CYRIA: variants seen among roughly 807,000 people sequenced by gnomAD.
The protein encoded by CYRIA is CYFIP related Rac1 interactor A.
Under a neutral mutation model 43.9 loss-of-function variants are expected in CYRIA, and 15 were observed. The observed-to-expected ratio is 0.34, with a 90% confidence interval of 0.23 to 0.53. The LOEUF is 0.53. Among genes scored for constraint, CYRIA ranks in the 20% least tolerant of loss-of-function variants. CYRIA has a pLI of 0.94. For synonymous variants in CYRIA, 117 were observed against 136.0 expected (o/e 0.86, Z 0.97); for missense variants, 236 against 394.2 (o/e 0.60, Z 3.40).
chr2:16,615,955 C>T (rs1371977508), intron 2 of CYRIA, among the ~76,000 whole-genome samples: 2 of 152,240 alleles, frequency 1.3e-5, no homozygotes, highest in Non-Finnish European at 2.9e-5. Flanking sequence ...GGACCATCTT[C>T]ACTCCATTCT....
chr2:16,627,966 A>C (rs1669219479), intron 1 of CYRIA, among the ~76,000 whole-genome samples: 1 of 152,202 alleles, frequency 6.6e-6, no homozygotes, highest in South Asian at 2.1e-4. Flanking sequence ...GAGATGGAGC[A>C]GCTGGGCGGG....
intron 2 of CYRIA, among the ~76,000 whole-genome samples, chr2:16,600,693 C>G (rs1668175142): frequency 6.6e-6 from 1 of 152,126 alleles, no homozygotes; most frequent in Non-Finnish European, 1.5e-5. Flanking sequence ...GTTATTACTA[C>G]TATAATTTAT....
chr2:16,618,431 GAGA>G (rs1222273866), intron 2 of CYRIA, among the ~76,000 whole-genome samples: 1 of 152,190 alleles, frequency 6.6e-6, no homozygotes, highest in Non-Finnish European at 1.5e-5. Context: ...AGAGGAAGAA[GAGA>G]AGAACCCCAG....
At chr2:16,570,219 T>C (rs896069938) in intron 3 of CYRIA, among the ~76,000 whole-genome samples, 1 of 152,090 alleles carries the variant, frequency 6.6e-6, no homozygotes, top group African/African-American at 2.4e-5. Context: ...AGTGCAGTGG[T>C]ATCATCATAG....
chr2:16,560,173 TC>T (rs1305375946), intron 9 of CYRIA, among the ~76,000 whole-genome samples: 1 of 152,156 alleles, frequency 6.6e-6, no homozygotes, highest in Non-Finnish European at 1.5e-5. Flanking sequence ...GAGGCTTTTT[TC>T]CTAGAGGCTT....
rs988552907 is a variant in CYRIA, at chr2:16,575,826, C to A, written c.71-10059G>T. Among the ~76,000 whole-genome samples, 9 of 151,264 alleles carry A rather than the reference C, an allele frequency of 5.9e-5. No individual in the cohort carries two copies. The South Asian group carries it at 6.3e-4, about 11-fold the overall frequency. ...AGCCGAGATTGCGCCACTGCACTCC[C>A]ACCTGGGCCACAGAGCGAGACTCCA... is the stretch of plus-strand genomic sequence containing the variant. On this transcript the variant is annotated intron_variant, in intron 3 of 11. Transcript: ENST00000381323.
At chr2:16,641,412 C>T (rs965533534) in intron 1 of CYRIA, among the ~76,000 whole-genome samples, 1 of 152,124 alleles carries the variant, frequency 6.6e-6, no homozygotes, top group Non-Finnish European at 1.5e-5. Context: ...ATTCTTCTTT[C>T]TCCTCCATTT....
At chr2:16,625,351 G>A (rs1669128922) in intron 1 of CYRIA, among the ~76,000 whole-genome samples, 2 of 145,428 alleles carry the variant, frequency 1.4e-5, no homozygotes, top group South Asian at 4.6e-4. Context: ...CCTGTTCTCA[G>A]ACAACAAGGG....
chr2:16,558,919 C>A (rs769985947), intron 10 of CYRIA, among the ~76,000 whole-genome samples: 6 of 152,032 alleles, frequency 3.9e-5, no homozygotes, highest in Admixed American at 1.3e-4. Flanking sequence ...TGAAACATGT[C>A]TGAAAGGAAC....
At chr2:16,572,811 A>G (rs756867355) in intron 3 of CYRIA, among the ~76,000 whole-genome samples, 9 of 151,760 alleles carry the variant, frequency 5.9e-5, no homozygotes, top group African/African-American at 9.7e-5. Flanking sequence ...CATTTTTTTC[A>G]GCCACTGTCT....
At chr2:16,642,861 C>A (rs1408460556) in intron 1 of CYRIA, among the ~76,000 whole-genome samples, 1 of 152,116 alleles carries the variant, frequency 6.6e-6, no homozygotes, top group East Asian at 1.9e-4. Flanking sequence ...CCTGACCGCC[C>A]TTTTCAACTG....
intron 2 of CYRIA, among the ~76,000 whole-genome samples, chr2:16,608,535 A>G (rs533691125): frequency 1.3e-5 from 2 of 152,364 alleles, no homozygotes; most frequent in Admixed American, 1.3e-4. Flanking sequence ...TACTCTAAAA[A>G]GGAAAGGGAA....
chr2:16,636,843 G>C (rs1467844778), intron 1 of CYRIA, among the ~76,000 whole-genome samples: 1 of 152,150 alleles, frequency 6.6e-6, no homozygotes, highest in Non-Finnish European at 1.5e-5. Flanking sequence ...GGGCATGGTG[G>C]CATGCGCCTG....
At chr2:16,556,838 T>A (rs568824479) in intron 10 of CYRIA, among the ~76,000 whole-genome samples, 12 of 152,122 alleles carry the variant, frequency 7.9e-5, no homozygotes, top group African/African-American at 2.9e-4. Flanking sequence ...TGGTGACTGA[T>A]GAGATATGGG....
chr2:16,645,535 C>T (rs1352513416), intron 1 of CYRIA, among the ~76,000 whole-genome samples: 1 of 152,190 alleles, frequency 6.6e-6, no homozygotes, highest in East Asian at 1.9e-4. Flanking sequence ...GAAGTAAACA[C>T]CACTGTATTA....
At chr2:16,656,075 G>T (rs1435637149) in intron 1 of CYRIA, among the ~76,000 whole-genome samples, 1 of 152,164 alleles carries the variant, frequency 6.6e-6, no homozygotes, top group Non-Finnish European at 1.5e-5. Flanking sequence ...CCAGGGCAGA[G>T]CCTTGTCCAG....
At chr2:16,609,172 T>C (rs1392917788) in intron 2 of CYRIA, among the ~76,000 whole-genome samples, 2 of 152,186 alleles carry the variant, frequency 1.3e-5, no homozygotes, top group Admixed American at 1.3e-4. Flanking sequence ...CATTTGCTCA[T>C]TCAACATGGC....
intron 3 of CYRIA, among the ~76,000 whole-genome samples, chr2:16,580,269 G>A (rs1243027047): frequency 1.3e-5 from 2 of 151,904 alleles, no homozygotes; most frequent in Non-Finnish European, 2.9e-5. Flanking sequence ...CAGCCTGGAT[G>A]AAAAAGCTAG....
In CYRIA at chr2:16,559,272, G is replaced by T. The variant is rs975913263; in HGVS notation, c.837+188C>A. On this transcript the variant is annotated intron_variant, in intron 10 of 11. Coordinates refer to ENST00000381323, the MANE Select transcript of CYRIA (RefSeq NM_030797.4). Reference sequence around the variant, plus strand: ...ACATTGCTGCTGTGCTTTTGAGGTTGAGTGTTTTTTCCTAAGCACAAGAAA... The same window carrying T: ...ACATTGCTGCTGTGCTTTTGAGGTTTAGTGTTTTTTCCTAAGCACAAGAAA... Among the ~76,000 whole-genome samples the T allele has an allele frequency of 5.3e-5, 8 of 152,136 alleles. No individual in the cohort carries two copies. The East Asian group carries it at 1.5e-3, about 29-fold the overall frequency.
Sources: gnomAD v4.1 joint callset for allele counts (sites outside exome capture counted in the v4.1 genomes callset) on GRCh38, gnomAD v4.1.1 for gene constraint, MANE v1.5 for transcripts, NCBI Gene and HGNC (gene_info 2026-07-23, HGNC 2026-07-21) for gene names.